The following CPPED1 variants were observed in gnomAD, a reference collection of about 807,000 sequenced individuals.
CPPED1 encodes the protein serine/threonine-protein phosphatase CPPED1.
A neutral mutation model predicts 28.0 loss-of-function variants in CPPED1; 28 were observed. That is an observed-to-expected ratio of 1.00 (90% CI 0.74 to 1.37). The LOEUF is 1.37. Ranked by LOEUF, CPPED1 falls within the 40% of genes most tolerant of loss-of-function variation. The probability of loss-of-function intolerance (pLI) is 0.00; values close to 1 mark genes in which losing one functional copy is unlikely to be tolerated. For synonymous variants in CPPED1, 198 were observed against 180.2 expected (o/e 1.10, Z -0.79); for missense variants, 504 against 416.5 (o/e 1.21, Z -1.83).
intron 3 of CPPED1, among the ~76,000 whole-genome samples, chr16:12,680,582 A>C (rs1351752090): frequency 6.6e-6 from 1 of 152,184 alleles, no homozygotes; most frequent in Non-Finnish European, 1.5e-5. Flanking sequence ...GGGCAGAGAC[A>C]GCCCCCAGGG....
At chr16:12,764,707 C>A (rs958422271) in intron 2 of CPPED1, among the ~76,000 whole-genome samples, 4 of 152,174 alleles carry the variant, frequency 2.6e-5, no homozygotes, top group African/African-American at 7.2e-5. Flanking sequence ...TTCAACGGAG[C>A]CTTCTCTAAC....
intron 2 of CPPED1, among the ~76,000 whole-genome samples, chr16:12,758,257 A>T (rs974162049): frequency 6.6e-6 from 1 of 152,156 alleles, no homozygotes; most frequent in Non-Finnish European, 1.5e-5. Context: ...GAATACAGAT[A>T]TCATCGCCCC....
chr16:12,678,275 A>T (rs1368566623), intron 3 of CPPED1, among the ~76,000 whole-genome samples: 1 of 152,268 alleles, frequency 6.6e-6, no homozygotes, highest in Non-Finnish European at 1.5e-5. Flanking sequence ...AAGTAAGAGC[A>T]TCTGTCCTGA....
chr16:12,730,466 T>C (rs567953608), intron 2 of CPPED1, among the ~76,000 whole-genome samples: 1 of 152,308 alleles, frequency 6.6e-6, no homozygotes, highest in African/African-American at 2.4e-5. Flanking sequence ...ATGAGGGTGT[T>C]GGTCTATTAA....
rs544040454 is a variant in CPPED1, at chr16:12,788,809, T to C, written c.71-7406A>G. The stretch of plus-strand genomic sequence containing the variant: ...GTTTCCTTCAAATGGAACGTCTTGA[T>C]AAATGGGCTGTACACAAAGACAATG... On this transcript the variant is annotated intron_variant, in intron 1 of 3. Transcript: ENST00000381774. Among the ~76,000 whole-genome samples, 55 of 152,298 alleles carry C rather than the reference T, an allele frequency of 3.6e-4. 1 individual carries two copies. The highest frequency in any genetic ancestry group is 4.9e-4 in the Non-Finnish European group (33 of 68,018).
At chr16:12,692,047 T>C (rs2079966488) in intron 3 of CPPED1, among the ~76,000 whole-genome samples, 1 of 151,832 alleles carries the variant, frequency 6.6e-6, no homozygotes, top group African/African-American at 2.4e-5. Flanking sequence ...AGCTATGGGG[T>C]TTTGCCATGT....
chr16:12,778,392 C>G (rs1006766602), intron 2 of CPPED1, among the ~76,000 whole-genome samples: 4 of 150,960 alleles, frequency 2.6e-5, no homozygotes, highest in African/African-American at 9.8e-5. Flanking sequence ...TCTCCTGCCT[C>G]AGCCCCCCAG....
intron 3 of CPPED1, among the ~76,000 whole-genome samples, chr16:12,700,428 T>C (rs995938379): frequency 5.3e-5 from 8 of 152,206 alleles, no homozygotes; most frequent in Non-Finnish European, 1.2e-4. Context: ...ACATGCTCTG[T>C]TGCCCAAGGT....
At chr16:12,777,903 CTTT>C (rs67527035) in intron 2 of CPPED1, among the ~76,000 whole-genome samples, 1 of 126,604 alleles carries the variant, frequency 7.9e-6, no homozygotes, top group Non-Finnish European at 1.7e-5. Context: ...TTTCTATTTT[CTTT>C]TTTTTTTTTT....
In CPPED1 at chr16:12,660,524, TGTG is replaced by T. The variant is rs1248193333; in HGVS notation, c.*4359_*4361del. 6.6e-6 allele frequency: 1 copy of T among 151,930 alleles called. No homozygotes were observed. 9.4% of individuals were successfully genotyped at this position (151,930 alleles called of 1,614,324 possible). ...GTGTGTGTGTGTGTGTGTGTGTGTG[TGTG>T]TGTGTGTACTCATTAAAAAATACAT... On this transcript the variant is annotated 3_prime_UTR_variant, in exon 4 of 4. Coordinates refer to ENST00000381774, the MANE Select transcript of CPPED1 (RefSeq NM_018340.3).
intron 3 of CPPED1, among the ~76,000 whole-genome samples, chr16:12,683,945 C>A (rs571847100): frequency 1.3e-5 from 2 of 152,318 alleles, no homozygotes; most frequent in African/African-American, 4.8e-5. Context: ...CAGTTTGTAG[C>A]TTCCATCCTC....
chr16:12,768,873 T>C (rs1413157480), intron 2 of CPPED1, among the ~76,000 whole-genome samples: 5 of 151,280 alleles, frequency 3.3e-5, no homozygotes, highest in Admixed American at 1.3e-4. Context: ...TTTTCTTTTT[T>C]TTTTTTTTTG....
At chr16:12,782,940 T>C (rs989548415) in intron 1 of CPPED1, among the ~76,000 whole-genome samples, 1 of 152,158 alleles carries the variant, frequency 6.6e-6, no homozygotes. Flanking sequence ...TTGGAAGTCA[T>C]GATGATGCTG....
chr16:12,771,542 G>A (rs1339825426), intron 2 of CPPED1, among the ~76,000 whole-genome samples: 1 of 152,236 alleles, frequency 6.6e-6, no homozygotes, highest in Non-Finnish European at 1.5e-5. Flanking sequence ...ACTAGCAGAG[G>A]TTGGAGCAAT....
intron 2 of CPPED1, chr16:12,760,530 G>C (rs1273156076): frequency 6.6e-6 from 1 of 152,348 alleles, no homozygotes; most frequent in Admixed American, 6.6e-5. Context: ...GGGTGCACTG[G>C]GGGCCTTGCT....
rs961141569 is a variant in CPPED1, at chr16:12,709,562, G to C, written c.290-4513C>G. 1.3e-5 allele frequency among the ~76,000 whole-genome samples: 2 copies of C among 152,216 alleles called. No homozygotes were observed. Among genetic ancestry groups the C allele is most frequent in the African/African-American group, 4.8e-5 (2 of 41,468 alleles). On this transcript the variant is annotated intron_variant, in intron 2 of 3. Coordinates refer to ENST00000381774, the MANE Select transcript of CPPED1 (RefSeq NM_018340.3). This position sits in a 1 kb window ranked among gnomAD's most constrained non-coding sequence, Gnocchi z 4.4. ...AATTACAAAATTCTTATTTGTATCAGTGGTACTGTGAGAGGTATGATTTAT... is the reference window on the plus strand; with the variant it reads ...AATTACAAAATTCTTATTTGTATCACTGGTACTGTGAGAGGTATGATTTAT...
chr16:12,770,771 G>T (rs938358269), intron 2 of CPPED1, among the ~76,000 whole-genome samples: 3 of 151,910 alleles, frequency 2.0e-5, no homozygotes, highest in East Asian at 1.9e-4. Context: ...GCAGTGAGCC[G>T]AGATCGCGCC....
rs1042923594 is a variant in CPPED1 at position 12,664,827 on chromosome 16, G to A, written c.*59C>T. On this transcript the variant is annotated 3_prime_UTR_variant, in exon 4 of 4. Coordinates refer to ENST00000381774, the MANE Select transcript of CPPED1 (RefSeq NM_018340.3). The surrounding 1 kb of genome is among the most constrained non-coding windows in gnomAD (Gnocchi z 4.2). Reference sequence around the variant, plus strand: ...CAGCAAGAGGTTGTGTGCAGCTGCTGTTTCTGGCAAAATAAAAAAATAGTG... The same window carrying A: ...CAGCAAGAGGTTGTGTGCAGCTGCTATTTCTGGCAAAATAAAAAAATAGTG... 6.2e-6 allele frequency: 10 copies of A among 1,604,236 alleles called. No homozygotes were observed. The Admixed American group carries it at 8.8e-5, about 14-fold the overall frequency.
Position 12,664,728 on chromosome 16 carries a change from G to A in CPPED1, c.*158C>T. Reference sequence around the variant, plus strand: ...GCAGTTCTATTTTGAATATAATTCAGGACAGGGCCCCAGCTCTCTGATTTA... The same window carrying A: ...GCAGTTCTATTTTGAATATAATTCAAGACAGGGCCCCAGCTCTCTGATTTA... On this transcript the variant is annotated 3_prime_UTR_variant, in exon 4 of 4. Coordinates refer to ENST00000381774, the MANE Select transcript of CPPED1 (RefSeq NM_018340.3). This position sits in a 1 kb window ranked among gnomAD's most constrained non-coding sequence, Gnocchi z 4.2. 1 of 1,476,744 alleles carries A rather than the reference G, an allele frequency of 6.8e-7. No homozygotes were observed. The highest frequency in any genetic ancestry group is 8.9e-7 in the Non-Finnish European group (1 of 1,126,926). The allele number at this position is 1,476,744 out of a possible 1,614,324, so 91.5% of individuals were successfully genotyped here. A position where few individuals can be genotyped will look rare whatever the true frequency, so the allele number is the denominator to read the frequency against.
Sources: gnomAD v4.1 joint callset for allele counts (sites outside exome capture counted in the v4.1 genomes callset) on GRCh38, gnomAD v4.1.1 for gene constraint, Gnocchi (gnomAD v3.1) non-coding constraint, MANE v1.5 for transcripts, NCBI Gene and HGNC (gene_info 2026-07-23, HGNC 2026-07-21) for gene names.